The following NRP1 variants were observed in gnomAD, a reference collection of about 807,000 sequenced individuals.
NRP1 encodes neuropilin 1.
Under a neutral mutation model 106.7 loss-of-function variants are expected in NRP1, and 35 were observed. The ratio of observed to expected loss-of-function variants is 0.33; its 90% CI spans 0.25 to 0.43. The LOEUF (loss-of-function observed/expected upper bound fraction) is 0.43. Among genes scored for constraint, NRP1 ranks in the 20% least tolerant of loss-of-function variants. The pLI, the probability that NRP1 is intolerant of heterozygous loss-of-function variation, is 1.00. For synonymous variants in NRP1, 437 were observed against 417.9 expected, an observed-to-expected ratio of 1.05 and a Z score of -0.56; for missense variants, 1,024 against 1,170.4, an observed-to-expected ratio of 0.87 and a Z score of 1.83.
chr10:33,234,145 G>A (rs1437867933), intron 6 of NRP1, among the ~76,000 whole-genome samples: 1 of 152,130 alleles, frequency 6.6e-6, no homozygotes, highest in Non-Finnish European at 1.5e-5. Context: ...GAAATTCATA[G>A]TGCAACCTCT....
At chr10:33,250,873 C>A (rs1223095782) in intron 6 of NRP1, among the ~76,000 whole-genome samples, 1 of 152,216 alleles carries the variant, frequency 6.6e-6, no homozygotes, top group Admixed American at 6.5e-5. Context: ...TCTCCTCCCT[C>A]TAGCCAGGTG....
chr10:33,223,160 G>C (rs1205305451), intron 7 of NRP1, among the ~76,000 whole-genome samples: 1 of 152,170 alleles, frequency 6.6e-6, no homozygotes, highest in Admixed American at 6.5e-5. Context: ...GGGCTCACTC[G>C]AGGCATGCAG....
chr10:33,282,306 C>T (rs16934338), intron 2 of NRP1, among the ~76,000 whole-genome samples: 3,409 of 152,208 alleles, frequency 0.022, 54 homozygotes, highest in Middle Eastern at 0.054. Context: ...AAAGGCAGTG[C>T]GTCCGGCTTA....
chr10:33,325,451 A>G (rs1385931462), intron 2 of NRP1, among the ~76,000 whole-genome samples: 2 of 152,212 alleles, frequency 1.3e-5, no homozygotes, highest in African/African-American at 4.8e-5. Flanking sequence ...AACAGAAAAT[A>G]TTACTCATAT....
At chr10:33,220,781 G>T (rs1588757623) in intron 8 of NRP1, among the ~76,000 whole-genome samples, 2 of 151,036 alleles carry the variant, frequency 1.3e-5, no homozygotes, top group South Asian at 4.2e-4. Flanking sequence ...TCCTGTAGTA[G>T]TACCAGCTAC....
At chr10:33,298,023 C>T (rs1845538078) in intron 2 of NRP1, among the ~76,000 whole-genome samples, 1 of 152,140 alleles carries the variant, frequency 6.6e-6, no homozygotes, top group African/African-American at 2.4e-5. Context: ...ATTCAGTTAT[C>T]CTGTTAATCT....
intron 2 of NRP1, among the ~76,000 whole-genome samples, chr10:33,324,723 C>T (rs11009342): frequency 0.13 from 19,300 of 152,130 alleles, 1,383 homozygotes; most frequent in East Asian, 0.28. Flanking sequence ...CTGCAACCTC[C>T]GCTTCCCAGG....
intron 11 of NRP1, among the ~76,000 whole-genome samples, chr10:33,200,413 C>T (rs1422444363): frequency 1.3e-5 from 2 of 152,148 alleles, no homozygotes. Flanking sequence ...GCATTTGGTA[C>T]AGTACACCTG....
At chr10:33,259,312 C>T (rs184660358) in intron 4 of NRP1, among the ~76,000 whole-genome samples, 2 of 152,132 alleles carry the variant, frequency 1.3e-5, no homozygotes, top group African/African-American at 4.8e-5. Flanking sequence ...TTTAGGAGCC[C>T]TCAAGATACG....
intron 9 of NRP1, 29 bp from the exon 10 acceptor site, chr10:33,207,745 A>G (rs1174393373): frequency 1.9e-6 from 3 of 1,598,464 alleles, no homozygotes; most frequent in South Asian, 1.1e-5. Context: ...ACAGGGCATT[A>G]AGGAAAAAAA....
intron 2 of NRP1, among the ~76,000 whole-genome samples, chr10:33,320,951 G>C (rs1847458464): frequency 6.6e-6 from 1 of 152,166 alleles, no homozygotes; most frequent in Admixed American, 6.5e-5. Flanking sequence ...TTGACTGGCT[G>C]CCATCTTTCC....
chr10:33,206,137 T>C (rs2132731444), intron 10 of NRP1: 3 of 494,816 alleles, frequency 6.1e-6, no homozygotes, highest in Non-Finnish European at 4.1e-6. Context: ...GTCTTTTCAA[T>C]TCTCCATTCA....
At chr10:33,273,652 G>T (rs982137271) in intron 2 of NRP1, among the ~76,000 whole-genome samples, 1 of 152,238 alleles carries the variant, frequency 6.6e-6, no homozygotes, top group Non-Finnish European at 1.5e-5. Context: ...GCCCGGCAAA[G>T]GTGAGAATGA....
chr10:33,315,759 T>C (rs1385264924), intron 2 of NRP1, among the ~76,000 whole-genome samples: 1 of 152,210 alleles, frequency 6.6e-6, no homozygotes, highest in Non-Finnish European at 1.5e-5. Context: ...TTATCAAAAA[T>C]GGCTTCATGA....
intron 2 of NRP1, among the ~76,000 whole-genome samples, chr10:33,287,583 A>C (rs899092263): frequency 6.6e-6 from 1 of 152,244 alleles, no homozygotes; most frequent in African/African-American, 2.4e-5. Context: ...ACACATGAGA[A>C]TATCTTTACT....
chr10:33,248,785 T>C (rs992959574), intron 6 of NRP1, among the ~76,000 whole-genome samples: 1 of 152,224 alleles, frequency 6.6e-6, no homozygotes, highest in Non-Finnish European at 1.5e-5. Context: ...TGTCTTCCTT[T>C]AGGTTTCCTT....
At chr10:33,265,935 AAT>A (rs1211784521) in intron 3 of NRP1, among the ~76,000 whole-genome samples, 1 of 152,090 alleles carries the variant, frequency 6.6e-6, no homozygotes, top group Non-Finnish European at 1.5e-5. Context: ...ACAAAGAAAA[AAT>A]ATATATATAC....
At position 33,267,964 on chromosome 10, in the gene NRP1, A is replaced by C. The variant is rs563754928; in HGVS notation, c.430+2711T>G. Reference sequence around the variant, plus strand: ...TCTTAGAACTGTGACCTCACACCGGAAACCTCAAGGCCATTCTGGTTGCAT... The same window carrying C: ...TCTTAGAACTGTGACCTCACACCGGCAACCTCAAGGCCATTCTGGTTGCAT... On this transcript the variant is annotated intron_variant, in intron 3 of 16. Transcript: ENST00000374867. 2.0e-5 allele frequency among the ~76,000 whole-genome samples: 3 copies of C among 152,260 alleles called. No homozygotes were observed. The East Asian group carries it at 5.8e-4, about 29-fold the overall frequency.
chr10:33,236,346 G>A (rs758433599), intron 6 of NRP1, among the ~76,000 whole-genome samples: 1 of 152,368 alleles, frequency 6.6e-6, no homozygotes, highest in South Asian at 2.1e-4. Flanking sequence ...GAGAATCAGC[G>A]CATGTGCTCT....
Sources: gnomAD v4.1 joint callset for allele counts (sites outside exome capture counted in the v4.1 genomes callset) on GRCh38, gnomAD v4.1.1 for gene constraint, MANE v1.5 for transcripts, NCBI Gene and HGNC (gene_info 2026-07-23, HGNC 2026-07-21) for gene names.